Variants in DCBLD1 observed in about 807,000 individuals in gnomAD.
The protein encoded by DCBLD1 is discoidin, CUB and LCCL domain-containing protein 1.
A neutral mutation model predicts 71.5 loss-of-function variants in DCBLD1; 57 were observed. The ratio of observed to expected loss-of-function variants is 0.80; its 90% CI spans 0.64 to 0.99. The LOEUF is 0.99. DCBLD1 is among the 50% of genes least tolerant of loss of function. The pLI is 0.00. For synonymous variants in DCBLD1, 380 were observed against 363.8 expected (o/e 1.04, Z -0.51); for missense variants, 891 against 923.5 (o/e 0.96, Z 0.46).
chr6:117,549,741 G>A lies in DCBLD1; in HGVS notation c.*1302G>A, dbSNP rs1779394199. 1 of 985,292 alleles carries A rather than the reference G, an allele frequency of 1.0e-6. No homozygotes were observed. Among genetic ancestry groups the A allele is most frequent in the Non-Finnish European group, 1.2e-6 (1 of 829,956 alleles). The allele number at this position is 985,292 out of a possible 1,614,324, so 61.0% of individuals were successfully genotyped here. On this transcript the variant is annotated 3_prime_UTR_variant, in exon 15 of 15. Transcript: ENST00000338728. ...GTGTGGAGGGGAAATGGTTTACTTT[G>A]TAGAGTTTACATGGTTTTATGCGCA...
intron 14 of DCBLD1, 158 bp from the exon 15 acceptor site, chr6:117,547,749 T>C: frequency 4.0e-6 from 6 of 1,504,198 alleles, no homozygotes; most frequent in Non-Finnish European, 5.4e-6. Flanking sequence ...GTGGCTTCTG[T>C]GGCTTTCACA....
At chr6:117,536,170 G>C (rs1383087847) in intron 6 of DCBLD1, among the ~76,000 whole-genome samples, 4 of 152,290 alleles carry the variant, frequency 2.6e-5, no homozygotes, top group South Asian at 2.1e-4. Context: ...AGTACTCTCT[G>C]TGTCCATTAT....
intron 14 of DCBLD1, among the ~76,000 whole-genome samples, chr6:117,557,760 G>A (rs1011356254): frequency 5.3e-5 from 8 of 152,046 alleles, no homozygotes; most frequent in Admixed American, 2.0e-4. Context: ...GTGAAACTCC[G>A]TCTCAAAAAA....
intron 6 of DCBLD1, 52 bp from the exon 7 acceptor site, chr6:117,537,133 C>T: frequency 6.3e-7 from 1 of 1,593,430 alleles, no homozygotes; most frequent in Non-Finnish European, 8.6e-7. Context: ...ATATTAGTCA[C>T]TAAGATGTAG....
In DCBLD1 at chr6:117,486,826, C is replaced by G. The variant is rs1236535059; in HGVS notation, c.112+3933C>G. 2.6e-5 allele frequency among the ~76,000 whole-genome samples: 4 copies of G among 152,290 alleles called. No homozygotes were observed. In the East Asian group the frequency reaches 5.8e-4, roughly 22 times the overall value. ...TGCAGACTGGTACCTGTCACTGGCC[C>G]GTTAGGAGCCGGGCCACACAGCAGG... On this transcript the variant is annotated intron_variant, in intron 1 of 14. Transcript: ENST00000338728.
intron 1 of DCBLD1, among the ~76,000 whole-genome samples, chr6:117,487,055 C>T (rs1777112990): frequency 6.6e-6 from 1 of 152,132 alleles, no homozygotes; most frequent in South Asian, 2.1e-4. Context: ...TCCAACCCAG[C>T]CCCATACACG....
intron 2 of DCBLD1, among the ~76,000 whole-genome samples, chr6:117,510,421 C>CT (rs1296234751): frequency 1.3e-5 from 2 of 151,868 alleles, no homozygotes; most frequent in East Asian, 3.9e-4. Context: ...TCAGGGCTGC[C>CT]TACCCTAGAA....
chr6:117,502,058 C>T (rs552929597), intron 1 of DCBLD1, among the ~76,000 whole-genome samples: 21 of 152,188 alleles, frequency 1.4e-4, no homozygotes, highest in Non-Finnish European at 2.5e-4. Flanking sequence ...CCTGTTCCAG[C>T]TACCCCCATT....
chr6:117,520,555 G>A (rs997867971), intron 3 of DCBLD1, among the ~76,000 whole-genome samples: 15 of 152,188 alleles, frequency 9.9e-5, no homozygotes, highest in African/African-American at 3.1e-4. Flanking sequence ...ACACCAGCAC[G>A]GGAGGCATGC....
intron 2 of DCBLD1, among the ~76,000 whole-genome samples, chr6:117,509,213 C>T (rs1274713629): frequency 1.3e-5 from 2 of 152,148 alleles, no homozygotes; most frequent in African/African-American, 4.8e-5. Flanking sequence ...GGATGAATCA[C>T]TTGAGCTTAG....
chr6:117,554,970 CAG>C (rs1433997332), intron 14 of DCBLD1, among the ~76,000 whole-genome samples: 1 of 151,884 alleles, frequency 6.6e-6, no homozygotes, highest in African/African-American at 2.4e-5. Flanking sequence ...ATTAGCTTGA[CAG>C]AAACAATTTA....
intron 1 of DCBLD1, among the ~76,000 whole-genome samples, chr6:117,492,483 A>C (rs565003893): frequency 6.6e-6 from 1 of 152,296 alleles, no homozygotes; most frequent in African/African-American, 2.4e-5. Context: ...CAGGGGAGAA[A>C]AAGTTAGAAA....
chr6:117,521,631 T>C (rs546667191), intron 4 of DCBLD1, 55 bp downstream of exon 4: 6 of 1,436,058 alleles, frequency 4.2e-6, no homozygotes, highest in Admixed American at 2.4e-5. Context: ...ACATTTTGTT[T>C]TCTTTCACGT....
chr6:117,544,505 A>G, intron 12 of DCBLD1, 23 bp from the exon 13 acceptor site: 1 of 1,613,362 alleles, frequency 6.2e-7, no homozygotes, highest in Non-Finnish European at 8.5e-7. Flanking sequence ...ATAAATATTC[A>G]GTAGGACTTT....
chr6:117,538,755 G>C lies in DCBLD1; in HGVS notation c.896G>C (p.Trp299Ser), dbSNP rs771459925. 16 of 1,614,032 alleles carry C rather than the reference G, an allele frequency of 9.9e-6. No homozygotes were observed. The highest frequency in any genetic ancestry group is 1.2e-5 in the Non-Finnish European group (14 of 1,180,030). ...CGACTTCAGGACCAAGGCCCATCAT[G>C]GGCTTCGGGCGACAGTAGCAACAAC... ...QARLQDQGPS[W>S]ASGDSSNNHK... is the part of the protein sequence containing the mutation. The change falls in exon 8 of 15, where the codon TGG (tryptophan) becomes TCG (serine). Residue 299 changes from tryptophan to serine, a missense_variant. Transcript: ENST00000338728.
At position 117,525,448 on chromosome 6, in the gene DCBLD1, G is replaced by A. The variant is rs1778517959; in HGVS notation, c.585+14G>A. 1 of 1,456,434 alleles carries A rather than the reference G, an allele frequency of 6.9e-7. No homozygotes were observed. Among genetic ancestry groups the A allele is most frequent in the Non-Finnish European group, 9.1e-7 (1 of 1,100,768 alleles). 90.2% of individuals were successfully genotyped at this position (1,456,434 alleles called of 1,614,324 possible). A position where few individuals can be genotyped will look rare whatever the true frequency, so the allele number is the denominator to read the frequency against. On this transcript the variant is annotated intron_variant, in intron 5 of 14. Coordinates refer to ENST00000338728, the MANE Select transcript of DCBLD1 (RefSeq NM_001366458.2). ...GGATATAGAGATGTAAGTAATTGAGGGTAATGGCAGAGAATGAATTAAAAG... is the reference window on the plus strand; with the variant it reads ...GGATATAGAGATGTAAGTAATTGAGAGTAATGGCAGAGAATGAATTAAAAG...
chr6:117,528,484 A>G (rs1396331486), intron 5 of DCBLD1, among the ~76,000 whole-genome samples: 1 of 152,268 alleles, frequency 6.6e-6, no homozygotes, highest in East Asian at 1.9e-4. Context: ...AAACATTGCC[A>G]ACACTGTTTT....
chr6:117,504,852 A>C (rs1025843449), intron 2 of DCBLD1, among the ~76,000 whole-genome samples: 5 of 152,194 alleles, frequency 3.3e-5, no homozygotes, highest in Non-Finnish European at 7.3e-5. Context: ...TTCTCTGTGC[A>C]CACAACTTTT....
chr6:117,565,074 T>TA (rs964991919), intron 14 of DCBLD1, among the ~76,000 whole-genome samples: 3 of 151,596 alleles, frequency 2.0e-5, no homozygotes, highest in Admixed American at 6.6e-5. Flanking sequence ...TTGAAAAATC[T>TA]AAAAAAAAAT....
Sources: allele counts gnomAD v4.1 joint callset (sites outside exome capture counted in the v4.1 genomes callset), GRCh38; gene constraint gnomAD v4.1.1; transcripts MANE v1.5; gene names NCBI Gene and HGNC (gene_info 2026-07-23, HGNC 2026-07-21).